ZNF423: variants seen among roughly 807,000 people sequenced by gnomAD.
The protein encoded by ZNF423 is Ebf-associated zinc finger protein.
ZNF423 carries 12 observed loss-of-function variants against 95.8 expected under a neutral mutation model. That is an observed-to-expected ratio of 0.13 (90% CI 0.08 to 0.20). The LOEUF (loss-of-function observed/expected upper bound fraction) is 0.20. Among genes scored for constraint, ZNF423 ranks in the 10% least tolerant of loss-of-function variants. The pLI is 1.00. For missense variants in ZNF423, 1,316 were observed against 1,737.1 expected, an observed-to-expected ratio of 0.76 and a Z score of 4.31; for synonymous variants, 749 against 711.9, an observed-to-expected ratio of 1.05 and a Z score of -0.83.
intron 2 of ZNF423, among the ~76,000 whole-genome samples, chr16:49,780,078 G>A (rs910375816): frequency 1.3e-5 from 2 of 152,206 alleles, no homozygotes; most frequent in Admixed American, 6.5e-5. Context: ...CCGTGGAAGC[G>A]AAGTCATCAG....
At chr16:49,655,876 A>T (rs1861338) in intron 3 of ZNF423, among the ~76,000 whole-genome samples, 95,503 of 152,006 alleles carry the variant, frequency 0.63, 30,133 homozygotes, top group East Asian at 0.76. Flanking sequence ...CCACGCAGTC[A>T]TTCCCTTGCA....
chr16:49,658,270 T>C (rs2029997848), intron 3 of ZNF423, among the ~76,000 whole-genome samples: 1 of 152,046 alleles, frequency 6.6e-6, no homozygotes, highest in South Asian at 2.1e-4. Flanking sequence ...AGCTGCTGTG[T>C]CCCCAGCACC....
At chr16:49,632,687 CA>C (rs1417418002) in intron 4 of ZNF423, among the ~76,000 whole-genome samples, 1 of 152,164 alleles carries the variant, frequency 6.6e-6, no homozygotes, top group Non-Finnish European at 1.5e-5. Flanking sequence ...CCCTCTTTAC[CA>C]AAACACAGGC....
chr16:49,520,397 G>A (rs1597041492), intron 7 of ZNF423, among the ~76,000 whole-genome samples: 1 of 97,388 alleles, frequency 1.0e-5, no homozygotes, highest in South Asian at 3.4e-4. Context: ...CTGTGCTCCT[G>A]TTAACGCAAC....
chr16:49,723,418 T>G (rs961003937), intron 3 of ZNF423, among the ~76,000 whole-genome samples: 5 of 152,184 alleles, frequency 3.3e-5, no homozygotes, highest in African/African-American at 1.2e-4. Context: ...GCCTTTGCCA[T>G]GTTTTTTTGT....
intron 2 of ZNF423, among the ~76,000 whole-genome samples, chr16:49,768,052 A>G (rs1046096572): frequency 2.0e-5 from 3 of 152,234 alleles, no homozygotes; most frequent in African/African-American, 7.2e-5. Context: ...TTAATCCATT[A>G]CACATCCCTC....
intron 5 of ZNF423, among the ~76,000 whole-genome samples, chr16:49,537,723 C>T (rs1008524498): frequency 6.6e-6 from 1 of 152,170 alleles, no homozygotes; most frequent in East Asian, 1.9e-4. Context: ...TTCCTTCACT[C>T]GCTCCCCTAA....
intron 5 of ZNF423, among the ~76,000 whole-genome samples, chr16:49,585,079 C>T (rs1567484537): frequency 6.6e-6 from 1 of 152,140 alleles, no homozygotes; most frequent in African/African-American, 2.4e-5. Flanking sequence ...GGGCAATGAC[C>T]CTGACTGTTT....
intron 3 of ZNF423, among the ~76,000 whole-genome samples, chr16:49,701,263 T>C (rs868183985): frequency 6.6e-5 from 10 of 152,180 alleles, no homozygotes; most frequent in East Asian, 3.9e-4. Context: ...CGCACGTGTG[T>C]GTGTAGGGTG....
intron 7 of ZNF423, among the ~76,000 whole-genome samples, chr16:49,502,779 CAAATACTCTAG>C (rs1967459039): frequency 6.7e-6 from 1 of 148,848 alleles, no homozygotes; most frequent in Non-Finnish European, 1.5e-5. Context: ...TGCACACACA[CAAATACTCTAG>C]ACACACACAC....
chr16:49,743,505 T>A (rs1213973205), intron 2 of ZNF423, among the ~76,000 whole-genome samples: 9 of 152,076 alleles, frequency 5.9e-5, no homozygotes, highest in Admixed American at 5.9e-4. Context: ...TTAATAAGGA[T>A]GTGTTGAAGA....
chr16:49,602,469 T>G (rs1971404549), intron 5 of ZNF423, among the ~76,000 whole-genome samples: 2 of 152,142 alleles, frequency 1.3e-5, no homozygotes, highest in Admixed American at 1.3e-4. Context: ...TGGCAGGTCA[T>G]GAAGGTGTCC....
Position 49,825,991 on chromosome 16 carries a change from T to C in ZNF423, c.40+29744A>G, listed in dbSNP as rs979577257. Among the ~76,000 whole-genome samples, 11 of 152,166 alleles carry C rather than the reference T, an allele frequency of 7.2e-5. 1 individual carries two copies. Among genetic ancestry groups the C allele is most frequent in the African/African-American group, 2.6e-4 (11 of 41,532 alleles). ...TTTCGGAGGCCAAGACAGGTGGATC[T>C]CTTGACCCCAGGAGTTCGAGACCAG... On this transcript the variant is annotated intron_variant, in intron 1 of 7. Coordinates refer to ENST00000563137, the MANE Select transcript of ZNF423 (RefSeq NM_001379286.1).
intron 7 of ZNF423, 96 bp from the exon 8 acceptor site, chr16:49,491,400 AAG>A: frequency 6.8e-7 from 1 of 1,476,428 alleles, no homozygotes; most frequent in Non-Finnish European, 9.4e-7. Flanking sequence ...AGCCGCAGAA[AAG>A]CGTCTCGATT....
chr16:49,691,458 C>G (rs11076495), intron 3 of ZNF423, among the ~76,000 whole-genome samples: 1 of 152,080 alleles, frequency 6.6e-6, no homozygotes, highest in Non-Finnish European at 1.5e-5. Flanking sequence ...CTCGGCCGGG[C>G]GCAGTGGCTC....
rs112691540 is a variant in ZNF423 at position 49,673,281 on chromosome 16, C to T, written c.302-34407G>A. On this transcript the variant is annotated intron_variant, in intron 3 of 7. Transcript: ENST00000563137. Reference sequence around the variant, plus strand: ...CCATCAAAATGACATTGGAGCCCCACGACTCCCCTGGTCATCTCCAACTTC... The same window carrying T: ...CCATCAAAATGACATTGGAGCCCCATGACTCCCCTGGTCATCTCCAACTTC... Among the ~76,000 whole-genome samples, 7 of 152,320 alleles carry T rather than the reference C, an allele frequency of 4.6e-5. No individual in the cohort carries two copies. In the East Asian group the frequency reaches 7.7e-4, roughly 17 times the overall value.
chr16:49,827,796 C>CG (rs1555488935), intron 1 of ZNF423, among the ~76,000 whole-genome samples: 22 of 151,014 alleles, frequency 1.5e-4, no homozygotes, highest in Non-Finnish European at 2.8e-4. Flanking sequence ...GTTATGTTGC[C>CG]TTTTTTTTTC....
At position 49,649,671 on chromosome 16, in the gene ZNF423, G is replaced by A. The variant is rs75542421; in HGVS notation, c.302-10797C>T. ...CACACACACACACACACACACACAG[G>A]GAGAGAGAGAGAGAGAGAGAGAATC... On this transcript the variant is annotated intron_variant, in intron 3 of 7. Transcript: ENST00000563137. Among the ~76,000 whole-genome samples the A allele has an allele frequency of 1.7e-3, 252 of 148,154 alleles. 1 individual carries two copies. The highest frequency in any genetic ancestry group is 4.3e-3 in the Admixed American group (63 of 14,520).
rs1003530532 is a variant in ZNF423 at position 49,585,797 on chromosome 16, C to T, written c.3601+40373G>A. ...TTATAAGGGATAATTACAAGGTGTCCGTCATGAGAGGCAAGCCATGGAGTC... is the reference window on the plus strand; with the variant it reads ...TTATAAGGGATAATTACAAGGTGTCTGTCATGAGAGGCAAGCCATGGAGTC... On this transcript the variant is annotated intron_variant, in intron 5 of 7. Coordinates refer to ENST00000563137, the MANE Select transcript of ZNF423 (RefSeq NM_001379286.1). Among the ~76,000 whole-genome samples the T allele has an allele frequency of 1.1e-4, 16 of 152,206 alleles. No homozygotes were observed. In the East Asian group the frequency reaches 1.7e-3, roughly 17 times the overall value.
Sources: allele counts gnomAD v4.1 joint callset (sites outside exome capture counted in the v4.1 genomes callset), GRCh38; gene constraint gnomAD v4.1.1; transcripts MANE v1.5; gene names NCBI Gene and HGNC (gene_info 2026-07-23, HGNC 2026-07-21).